KIF20B: variants seen among roughly 807,000 people sequenced by gnomAD.
KIF20B encodes the protein kinesin family member 20B.
Under a neutral mutation model 232.5 loss-of-function variants are expected in KIF20B, and 188 were observed. The ratio of observed to expected loss-of-function variants is 0.81; its 90% CI spans 0.72 to 0.91. The LOEUF (loss-of-function observed/expected upper bound fraction) is 0.91, where lower values mean the gene tolerates loss of function less well. Among genes scored for constraint, KIF20B ranks in the 40% least tolerant of loss-of-function variants. The pLI is 0.00. For missense variants in KIF20B, 2,154 were observed against 2,055.9 expected, an observed-to-expected ratio of 1.05 and a Z score of -0.92; for synonymous variants, 712 against 683.0, an observed-to-expected ratio of 1.04 and a Z score of -0.66.
At chr10:89,753,715 G>T (rs1212906538) in intron 25 of KIF20B, among the ~76,000 whole-genome samples, 1 of 152,076 alleles carries the variant, frequency 6.6e-6, no homozygotes, top group Non-Finnish European at 1.5e-5. Flanking sequence ...CCACCCCCTG[G>T]GTTCAAGCGA....
At chr10:89,706,292 G>A (rs1181471429) in intron 2 of KIF20B, among the ~76,000 whole-genome samples, 1 of 152,124 alleles carries the variant, frequency 6.6e-6, no homozygotes, top group Non-Finnish European at 1.5e-5. Context: ...TGTCTCTTCA[G>A]ATCTTTTTCC....
At chr10:89,729,668 G>A (rs1437506418) in intron 18 of KIF20B, among the ~76,000 whole-genome samples, 1 of 152,074 alleles carries the variant, frequency 6.6e-6, no homozygotes, top group Non-Finnish European at 1.5e-5. Flanking sequence ...TATATGTATT[G>A]TTGCTATTGT....
At chr10:89,712,575 A>G (rs562784338) in intron 6 of KIF20B, among the ~76,000 whole-genome samples, 53 of 151,328 alleles carry the variant, frequency 3.5e-4, no homozygotes, top group Non-Finnish European at 6.2e-4. Context: ...TTCAGTATTC[A>G]TCTATTCAGC....
chr10:89,707,202 A>C (rs1842741141), intron 2 of KIF20B, among the ~76,000 whole-genome samples: 1 of 152,204 alleles, frequency 6.6e-6, no homozygotes, highest in Non-Finnish European at 1.5e-5. Flanking sequence ...GAAACACTGC[A>C]TATATTTTAG....
Position 89,762,652 on chromosome 10 carries a change from C to T in KIF20B, c.4806C>T (p.Val1602=), listed in dbSNP as rs1842268072. The T allele has an allele frequency of 1.2e-6, 2 of 1,612,116 alleles. No individual in the cohort carries two copies. Among genetic ancestry groups the T allele is most frequent in the Admixed American group, 1.7e-5 (1 of 59,904 alleles). ...TTCTGTTGTAGGATGGATCTGTAGT[C>T]CTTGACTCTTGTGAAGTGTCAACAG... ...SRNKIEDGSV[V]LDSCEVSTEN... is the part of the protein sequence containing the mutation. Residue 1602 remains valine (V), a synonymous_variant, in exon 29 of 33, where the codon GTC becomes GTT. Coordinates refer to ENST00000371728, the MANE Select transcript of KIF20B (RefSeq NM_001284259.2).
At chr10:89,723,566 T>G (rs1304964121) in intron 13 of KIF20B, 1 of 153,014 alleles carries the variant, frequency 6.5e-6, no homozygotes, top group East Asian at 1.9e-4. Context: ...CCTTTAGCAT[T>G]TACCAGAGAT....
intron 31 of KIF20B, 121 bp from the exon 32 acceptor site, chr10:89,772,567 GT>G: frequency 1.7e-6 from 1 of 576,432 alleles, no homozygotes; most frequent in Non-Finnish European, 3.0e-6. Context: ...ATATTGCAGT[GT>G]TTTTAGTTTG....
chr10:89,717,757 A>AT (rs771228993), intron 11 of KIF20B, 35 bp downstream of exon 11: 1 of 1,432,940 alleles, frequency 7.0e-7, no homozygotes, highest in East Asian at 2.3e-5. Flanking sequence ...AGCATATTAA[A>AT]TATTACAATA....
intron 13 of KIF20B, among the ~76,000 whole-genome samples, chr10:89,720,732 G>A (rs369306712): frequency 6.6e-6 from 1 of 152,074 alleles, no homozygotes; most frequent in East Asian, 1.9e-4. Context: ...TTGAGAGAGG[G>A]TCTTGCCCTG....
intron 28 of KIF20B, among the ~76,000 whole-genome samples, 157 bp from the exon 29 acceptor site, chr10:89,762,481 A>C (rs537717273): frequency 5.9e-5 from 9 of 152,308 alleles, no homozygotes; most frequent in Admixed American, 5.9e-4. Context: ...TGAAGAAAGT[A>C]GATGATTGCT....
chr10:89,738,929 A>G (rs1386837791), intron 20 of KIF20B, 29 bp from the exon 21 acceptor site: 1 of 1,600,100 alleles, frequency 6.2e-7, no homozygotes, highest in Non-Finnish European at 8.5e-7. Context: ...ATGATGCATT[A>G]CCATAGAAAA....
At chr10:89,718,662 A>T in intron 11 of KIF20B, 48 bp from the exon 12 acceptor site, 1 of 1,423,034 alleles carries the variant, frequency 7.0e-7, no homozygotes, top group South Asian at 1.2e-5. Context: ...CCCTGATTTC[A>T]TGAGATGTTT....
intron 26 of KIF20B, among the ~76,000 whole-genome samples, chr10:89,756,337 A>T (rs1351644443): frequency 2.0e-5 from 3 of 152,174 alleles, no homozygotes; most frequent in Admixed American, 6.5e-5. Context: ...CAATAAGTAA[A>T]ATCAAAACAG....
intron 18 of KIF20B, among the ~76,000 whole-genome samples, chr10:89,732,267 C>T (rs184062078): frequency 2.4e-4 from 36 of 152,238 alleles, no homozygotes; most frequent in African/African-American, 7.9e-4. Flanking sequence ...GCTGGGACTG[C>T]AGGCATGGAC....
Position 89,755,471 on chromosome 10 carries a change from C to A in KIF20B, c.4503+798C>A, listed in dbSNP as rs967548489. Among the ~76,000 whole-genome samples, 5 of 129,340 alleles carry A rather than the reference C, an allele frequency of 3.9e-5. No homozygotes were observed. In the South Asian group the frequency reaches 1.2e-3, roughly 31 times the overall value. The allele number at this position is 129,340 out of a possible 152,430, so 84.9% of individuals were successfully genotyped here. ...CCCCTTTCCTTCCCTCCCCTCCCCTCCCTCCCCTTTCCTTTTTCCTTTCCT... is the reference window on the plus strand; with the variant it reads ...CCCCTTTCCTTCCCTCCCCTCCCCTACCTCCCCTTTCCTTTTTCCTTTCCT... On this transcript the variant is annotated intron_variant, in intron 26 of 32. Transcript: ENST00000371728.
chr10:89,733,546 A>G (rs557527594), intron 19 of KIF20B, among the ~76,000 whole-genome samples: 1 of 152,310 alleles, frequency 6.6e-6, no homozygotes, highest in South Asian at 2.1e-4. Flanking sequence ...TTTTTAAAAA[A>G]TCTTTAATAG....
intron 27 of KIF20B, among the ~76,000 whole-genome samples, chr10:89,759,218 C>G (rs1842191294): frequency 6.6e-6 from 1 of 151,972 alleles, no homozygotes; most frequent in Non-Finnish European, 1.5e-5. Context: ...AAATGTGATT[C>G]AACATGAACT....
intron 8 of KIF20B, among the ~76,000 whole-genome samples, 186 bp downstream of exon 8, chr10:89,715,368 G>T (rs1211309354): frequency 6.6e-6 from 1 of 152,090 alleles, no homozygotes; most frequent in East Asian, 1.9e-4. Flanking sequence ...ATATAAAAGG[G>T]TCTATTTTGG....
intron 21 of KIF20B, among the ~76,000 whole-genome samples, chr10:89,739,514 C>T (rs1841746450): frequency 1.3e-5 from 1 of 74,776 alleles, no homozygotes; most frequent in Admixed American, 1.2e-4. Flanking sequence ...GGAAATACTT[C>T]CCACTCCTTC....
Sources: allele counts gnomAD v4.1 joint callset (sites outside exome capture counted in the v4.1 genomes callset), GRCh38; gene constraint gnomAD v4.1.1; transcripts MANE v1.5; gene names NCBI Gene and HGNC (gene_info 2026-07-23, HGNC 2026-07-21).